Variants in PTPN20 observed in about 807,000 individuals in gnomAD.
The protein encoded by PTPN20 is tyrosine-protein phosphatase non-receptor type 20.
In PTPN20, 9 loss-of-function variants were observed where a neutral mutation model predicts 35.0. The observed-to-expected ratio is 0.26, with a 90% CI of 0.15 to 0.45. The LOEUF (loss-of-function observed/expected upper bound fraction) is 0.45. Ranked by LOEUF, PTPN20 falls within the 20% of genes least tolerant of loss-of-function variation. The pLI is 1.00. For missense variants in PTPN20, 111 were observed against 312.5 expected (o/e 0.36, Z 4.86); for synonymous variants, 32 against 100.2 (o/e 0.32, Z 4.06).
At chr10:46,928,641 A>G (rs1280763642) in intron 1 of PTPN20, among the ~76,000 whole-genome samples, 1 of 151,266 alleles carries the variant, frequency 6.6e-6, no homozygotes, top group Non-Finnish European at 1.5e-5. Flanking sequence ...ACGGAATGAC[A>G]TTTCTTAATG....
In PTPN20 at chr10:46,967,701, G is replaced by C. The variant is rs1289569324; in HGVS notation, c.493-256G>C. ...GAACAAAATGAAGTTCAAGTGGAAAGTATCTCCAGAAAGTTTAACATTTTC... is the reference window on the plus strand; with the variant it reads ...GAACAAAATGAAGTTCAAGTGGAAACTATCTCCAGAAAGTTTAACATTTTC... On this transcript the variant is annotated intron_variant, in intron 6 of 10. Coordinates refer to ENST00000374339, the MANE Select transcript of PTPN20 (RefSeq NM_001042357.5). Among the ~76,000 whole-genome samples, 6 of 126,032 alleles carry C rather than the reference G, an allele frequency of 4.8e-5. No individual in the cohort carries two copies. In the Admixed American group the frequency reaches 4.8e-4, roughly 10 times the overall value. 82.7% of individuals were successfully genotyped at this position (126,032 alleles called of 152,430 possible).
At chr10:46,940,994 T>A (rs1259547121) in intron 3 of PTPN20, among the ~76,000 whole-genome samples, 4 of 151,788 alleles carry the variant, frequency 2.6e-5, no homozygotes, top group East Asian at 1.9e-4. Flanking sequence ...ACATGAAGTA[T>A]GAAGCACCTT....
chr10:46,929,477 A>C, intron 1 of PTPN20, among the ~76,000 whole-genome samples: 1 of 151,726 alleles, frequency 6.6e-6, no homozygotes, highest in Non-Finnish European at 1.5e-5. Flanking sequence ...AGTGCCTATC[A>C]CTCAAGTGGT....
intron 5 of PTPN20, among the ~76,000 whole-genome samples, chr10:46,957,560 T>C (rs2048764981): frequency 2.0e-5 from 3 of 152,080 alleles, no homozygotes; most frequent in Non-Finnish European, 4.4e-5. Context: ...AACATGTCTC[T>C]ACTAAAGAAA....
intron 5 of PTPN20, among the ~76,000 whole-genome samples, chr10:46,954,459 CT>C (rs1289733342): frequency 3.5e-5 from 5 of 144,814 alleles, no homozygotes; most frequent in African/African-American, 8.0e-5. Context: ...AGGTGTCTCT[CT>C]TTTTTTTAAT....
At chr10:46,926,331 T>C (rs1429857954) in intron 1 of PTPN20, among the ~76,000 whole-genome samples, 5 of 151,824 alleles carry the variant, frequency 3.3e-5, no homozygotes, top group African/African-American at 1.2e-4. Flanking sequence ...ATTTTTATAT[T>C]AAGAAGATAT....
chr10:46,995,094 T>C (rs2058801275), intron 9 of PTPN20, among the ~76,000 whole-genome samples: 1 of 152,200 alleles, frequency 6.6e-6, no homozygotes, highest in Non-Finnish European at 1.5e-5. Flanking sequence ...AGGGAGCTCT[T>C]ATATGGCTAT....
rs1187856066 is a variant in PTPN20, at chr10:46,911,428, A to C, written c.-197A>C. ...GGATTGGATAGCGACGAAGGCCGGC[A>C]GGCTAGGCGTGGACCCAACTGGCGA... is the stretch of plus-strand genomic sequence containing the variant. On this transcript the variant is annotated 5_prime_UTR_variant, in exon 1 of 11. Coordinates refer to ENST00000374339, the MANE Select transcript of PTPN20 (RefSeq NM_001042357.5). The C allele has an allele frequency of 9.2e-6, 3 of 326,740 alleles. No homozygotes were observed. In the East Asian group the frequency reaches 2.9e-4, roughly 32 times the overall value. 20.2% of individuals were successfully genotyped at this position (326,740 alleles called of 1,614,324 possible). A position where few individuals can be genotyped will look rare whatever the true frequency, so the allele number is the denominator to read the frequency against.
intron 5 of PTPN20, chr10:46,948,065 A>G: frequency 2.6e-6 from 1 of 388,536 alleles, no homozygotes; most frequent in Admixed American, 3.3e-5. Context: ...CTTTTCTCCT[A>G]CTCTTCTTAC....
intron 5 of PTPN20, among the ~76,000 whole-genome samples, chr10:46,947,210 GTGTA>G (rs1284114728): frequency 8.5e-6 from 1 of 117,954 alleles, no homozygotes; most frequent in Non-Finnish European, 1.7e-5. Context: ...ATATGTGTAT[GTGTA>G]TATATATATA....
chr10:46,997,882 C>T (rs1386499556), intron 9 of PTPN20, among the ~76,000 whole-genome samples: 2 of 151,866 alleles, frequency 1.3e-5, no homozygotes, highest in Non-Finnish European at 2.9e-5. Flanking sequence ...ATCAGAAAGG[C>T]TTATGTAAAA....
chr10:46,994,058 C>T (rs2058540615), intron 9 of PTPN20, among the ~76,000 whole-genome samples: 1 of 151,916 alleles, frequency 6.6e-6, no homozygotes, highest in Non-Finnish European at 1.5e-5. Flanking sequence ...TTTAAAAGTA[C>T]CTTTGCTGAA....
chr10:46,937,668 T>A (rs1462169708), intron 2 of PTPN20, among the ~76,000 whole-genome samples: 32 of 151,878 alleles, frequency 2.1e-4, no homozygotes, highest in African/African-American at 5.6e-4. Context: ...TCAGTAGGTC[T>A]TATTTTTACA....
intron 9 of PTPN20, among the ~76,000 whole-genome samples, chr10:46,988,696 T>C (rs2057294474): frequency 6.6e-6 from 1 of 151,950 alleles, no homozygotes; most frequent in African/African-American, 2.4e-5. Flanking sequence ...AGGATGTCAC[T>C]CTTTTTTTAT....
At chr10:46,939,036 T>C (rs2042615499) in intron 2 of PTPN20, among the ~76,000 whole-genome samples, 2 of 152,120 alleles carry the variant, frequency 1.3e-5, no homozygotes, top group South Asian at 4.1e-4. Context: ...CTCATAGACT[T>C]TTTTTTCCTG....
rs1459947802 is a variant in PTPN20, at chr10:46,940,627, C to T, written c.39C>T (p.Asn13=). 5.0e-6 allele frequency: 8 copies of T among 1,610,660 alleles called. No individual in the cohort carries two copies. Among genetic ancestry groups the T allele is most frequent in the South Asian group, 4.4e-5 (4 of 90,966 alleles). ...TTTCCCCCCGCCTTTGTTCAGTAAACGATTATGAGGGAAATGACTCTGAAG... is the reference window on the plus strand; with the variant it reads ...TTTCCCCCCGCCTTTGTTCAGTAAATGATTATGAGGGAAATGACTCTGAAG... ...SPRDFRAEPV[N]DYEGNDSEAE... Residue 13 remains asparagine (N), a synonymous_variant, in exon 3 of 11, where the codon AAC becomes AAT. Coordinates refer to ENST00000374339, the MANE Select transcript of PTPN20 (RefSeq NM_001042357.5).
chr10:46,919,195 A>T (rs2034238149), intron 1 of PTPN20, among the ~76,000 whole-genome samples: 3 of 152,220 alleles, frequency 2.0e-5, no homozygotes, highest in African/African-American at 7.2e-5. Flanking sequence ...TTCCTTGTAG[A>T]CAGTATATAA....
chr10:46,947,523 G>GTTCTAGCATACAGTTTTAGCA (rs2045295416), intron 5 of PTPN20, among the ~76,000 whole-genome samples: 1 of 150,190 alleles, frequency 6.7e-6, no homozygotes, highest in Admixed American at 6.6e-5. Flanking sequence ...GAGGCATACA[G>GTTCTAGCATACAGTTTTAGCA]TAAAATTCAC....
intron 1 of PTPN20, among the ~76,000 whole-genome samples, chr10:46,929,107 A>G (rs2038702184): frequency 2.5e-5 from 1 of 39,792 alleles, no homozygotes; most frequent in Non-Finnish European, 4.2e-5. Flanking sequence ...GACTGAAAAT[A>G]GTGTCCCAGC....
Sources: gnomAD v4.1 joint callset for allele counts (sites outside exome capture counted in the v4.1 genomes callset) on GRCh38, gnomAD v4.1.1 for gene constraint, MANE v1.5 for transcripts, NCBI Gene and HGNC (gene_info 2026-07-23, HGNC 2026-07-21) for gene names.